FAM53A: variants seen among roughly 807,000 people sequenced by gnomAD.
FAM53A encodes the protein family with sequence similarity 53 member A, also known as protein FAM53A.
Under a neutral mutation model 26.6 loss-of-function variants are expected in FAM53A, and 28 were observed. That is an observed-to-expected ratio of 1.05 (90% CI 0.78 to 1.45). FAM53A has a LOEUF of 1.45. Ranked by LOEUF, FAM53A falls within the 40% of genes most tolerant of loss-of-function variation. FAM53A has a pLI of 0.00. For missense variants in FAM53A, 650 were observed against 575.8 expected (o/e 1.13, Z -1.32); for synonymous variants, 290 against 253.1 (o/e 1.15, Z -1.38).
At position 1,655,529 on chromosome 4, in the gene FAM53A, A is replaced by G; in HGVS notation, c.331T>C (p.Ser111Pro). 2 of 1,569,264 alleles carry G rather than the reference A, an allele frequency of 1.3e-6. No homozygotes were observed. The highest frequency in any genetic ancestry group is 1.7e-6 in the Non-Finnish European group (2 of 1,156,918). The change falls in exon 4 of 5, where the codon TCG becomes CCG. Residue 111 changes from serine to proline, a missense_variant. Ser to Pro is a moderately conservative substitution (Grantham distance 74). Transcript: ENST00000308132. Reference protein sequence around the residue: ...STVDPSESTGSSTAPPTKRHC... With the variant: ...STVDPSESTGPSTAPPTKRHC... ...CGCTTGGTCGGTGGGGCCGTGGACG[A>G]GCCTGTGCTTTCACTGGGGTCCACG...
chr4:1,618,828 AC>A (rs1420573783), intron 1 of FAM53A, among the ~76,000 whole-genome samples: 5 of 151,188 alleles, frequency 3.3e-5, no homozygotes, highest in Non-Finnish European at 7.4e-5. Flanking sequence ...GCCAGCCCCG[AC>A]CCCCAGCCCC....
At chr4:1,582,515 T>C in the FAM53A span, among the ~76,000 whole-genome samples, 1 of 152,148 alleles carries the variant, frequency 6.6e-6, no homozygotes, top group South Asian at 2.1e-4. Flanking sequence ...AGGAGGAGGC[T>C]GGCGGCCCTG....
intron 1 of FAM53A, among the ~76,000 whole-genome samples, chr4:1,672,966 C>T (rs911072112): frequency 3.3e-5 from 5 of 152,050 alleles, no homozygotes; most frequent in Admixed American, 6.6e-5. Flanking sequence ...GACAGCATTT[C>T]GCCATGTTGG....
chr4:1,678,559 C>T (rs903552643), intron 1 of FAM53A, among the ~76,000 whole-genome samples: 13 of 152,182 alleles, frequency 8.5e-5, no homozygotes, highest in Admixed American at 2.0e-4. Flanking sequence ...CGGTGGCCCA[C>T]GCCTGTAATC....
At chr4:1,596,398 G>A in the FAM53A span, among the ~76,000 whole-genome samples, 3 of 45,620 alleles carry the variant, frequency 6.6e-5, no homozygotes, top group Admixed American at 2.6e-4. Context: ...GATCCAGTGC[G>A]CCCCCACCCA....
In FAM53A at chr4:1,643,419, T is replaced by TCA. The variant is rs1711934824; in HGVS notation, c.883-1813_883-1812insTG. ...AGGCGGAGCTTGCAGTGAGCCGAGA[T>TCA]TGGGCCACTGCACTCCAGCCTGGGA... is the stretch of plus-strand genomic sequence containing the variant. On this transcript the variant is annotated intron_variant, in intron 4 of 4. Coordinates refer to ENST00000308132, the MANE Select transcript of FAM53A (RefSeq NM_001174070.3). Among the ~76,000 whole-genome samples, 8 of 151,836 alleles carry TCA rather than the reference T, an allele frequency of 5.3e-5. No homozygotes were observed. In the South Asian group the frequency reaches 1.7e-3, roughly 32 times the overall value.
downstream of FAM53A, among the ~76,000 whole-genome samples, chr4:1,636,490 T>C (rs1715844592): frequency 6.6e-6 from 1 of 152,234 alleles, no homozygotes; most frequent in Non-Finnish European, 1.5e-5. Context: ...TCACGGGAGA[T>C]CCCGTCCGTC....
intron 3 of FAM53A, among the ~76,000 whole-genome samples, chr4:1,656,545 C>T (rs567548809): frequency 8.6e-5 from 13 of 151,952 alleles, no homozygotes; most frequent in Admixed American, 5.2e-4. Context: ...GGAGAGCGGC[C>T]GGCTGGGTGA....
rs1711620734 is a variant in FAM53A, at chr4:1,640,840, T to C, written c.*453A>G. The C allele has an allele frequency of 2.5e-6, 1 of 399,942 alleles. No homozygotes were observed. Among genetic ancestry groups the C allele is most frequent in the African/African-American group, 2.4e-5 (1 of 42,460 alleles). The allele number at this position is 399,942 out of a possible 1,614,324, so 24.8% of individuals were successfully genotyped here. ...CCGGGGCAGGTGCAGGCGGCAGCCA[T>C]GGCCCCGACCAGCTCACAGGAAACC... On this transcript the variant is annotated 3_prime_UTR_variant, in exon 5 of 5. Coordinates refer to ENST00000308132, the MANE Select transcript of FAM53A (RefSeq NM_001174070.3).
downstream of FAM53A, among the ~76,000 whole-genome samples, chr4:1,617,749 C>T (rs950028497): frequency 2.0e-5 from 3 of 152,152 alleles, no homozygotes; most frequent in African/African-American, 7.2e-5. Context: ...GATGTCTTGA[C>T]GCCCCTTTCA....
chr4:1,605,642 G>A, the FAM53A span, among the ~76,000 whole-genome samples: 33 of 151,980 alleles, frequency 2.2e-4, no homozygotes, highest in Admixed American at 3.3e-4. This position sits in a 1 kb window ranked among gnomAD's most constrained non-coding sequence, Gnocchi z 5.7. Context: ...TGCCTCCTCC[G>A]TGCACCCCAG....
chr4:1,685,346 G>A (rs908504821), upstream of FAM53A, among the ~76,000 whole-genome samples: 2 of 152,066 alleles, frequency 1.3e-5, no homozygotes, highest in African/African-American at 4.8e-5. Context: ...GTTTGGTGGG[G>A]GTGGGGAGAA....
chr4:1,606,475 T>C, the FAM53A span, among the ~76,000 whole-genome samples: 1 of 152,078 alleles, frequency 6.6e-6, no homozygotes, highest in African/African-American at 2.4e-5. Flanking sequence ...CCCTTCAGAT[T>C]CTAGAAGCCC....
intron 1 of FAM53A, among the ~76,000 whole-genome samples, chr4:1,619,038 C>A (rs928869402): frequency 6.6e-6 from 1 of 152,248 alleles, no homozygotes; most frequent in Non-Finnish European, 1.5e-5. Context: ...CAGGTGAGAG[C>A]TGGGGGTCCA....
the FAM53A span, among the ~76,000 whole-genome samples, chr4:1,606,507 G>A: frequency 1.2e-4 from 19 of 152,232 alleles, no homozygotes; most frequent in African/African-American, 4.3e-4. Context: ...GCAGAGGACC[G>A]AGGCAGACCC....
At chr4:1,584,263 A>G in the FAM53A span, among the ~76,000 whole-genome samples, 1 of 152,228 alleles carries the variant, frequency 6.6e-6, no homozygotes, top group Non-Finnish European at 1.5e-5. Context: ...ATCCAAGGTC[A>G]CAAAGAAATT....
At chr4:1,676,486 C>T (rs992607662) in intron 1 of FAM53A, among the ~76,000 whole-genome samples, 8 of 152,096 alleles carry the variant, frequency 5.3e-5, no homozygotes, top group African/African-American at 1.4e-4. Flanking sequence ...TGGGGCCGGA[C>T]CTCACTCAAC....
At chr4:1,685,953 CTG>C (rs1715788406), upstream of FAM53A, among the ~76,000 whole-genome samples, 2 of 152,176 alleles carry the variant, frequency 1.3e-5, no homozygotes, top group Admixed American at 6.5e-5. Flanking sequence ...AACGTCAGAG[CTG>C]TGTGACTGAT....
In FAM53A at chr4:1,655,512, C is replaced by A; in HGVS notation, c.348G>T (p.Pro116=). 1.3e-6 allele frequency: 2 copies of A among 1,568,158 alleles called. No individual in the cohort carries two copies. Among genetic ancestry groups the A allele is most frequent in the South Asian group, 1.2e-5 (1 of 86,930 alleles). ...ACAAGGACCGGCAATGCCGCTTGGT[C>A]GGTGGGGCCGTGGACGAGCCTGTGC... ...SESTGSSTAP[P]TKRHCRSLSE... The change falls in exon 4 of 5, where the codon CCG becomes CCT. Residue 116 remains proline, a synonymous_variant. Transcript: ENST00000308132.
Sources: gnomAD v4.1 joint callset for allele counts (sites outside exome capture counted in the v4.1 genomes callset) on GRCh38, gnomAD v4.1.1 for gene constraint, Gnocchi (gnomAD v3.1) non-coding constraint, MANE v1.5 for transcripts, NCBI Gene and HGNC (gene_info 2026-07-23, HGNC 2026-07-21) for gene names.